MARVELD2: variants seen among roughly 807,000 people sequenced by gnomAD.
MARVELD2 encodes MARVEL domain containing 2, also known as MARVEL domain-containing protein 2.
MARVELD2 carries 49 observed loss-of-function variants against 57.6 expected under a neutral mutation model. The ratio of observed to expected loss-of-function variants is 0.85; its 90% confidence interval spans 0.68 to 1.08. The LOEUF (loss-of-function observed/expected upper bound fraction) is 1.08, where lower values mean the gene tolerates loss of function less well. Among genes scored for constraint, MARVELD2 ranks in the 50% least tolerant of loss-of-function variants. The pLI is 0.00. For missense variants in MARVELD2, 606 were observed against 701.1 expected, an observed-to-expected ratio of 0.86 and a Z score of 1.53; for synonymous variants, 238 against 258.8, an observed-to-expected ratio of 0.92 and a Z score of 0.77.
Position 69,426,320 on chromosome 5 carries a change from CATT to C in MARVELD2, c.1182+1712_1182+1714del, listed in dbSNP as rs61577972. Reference sequence around the variant, plus strand: ...TACCCTCATTTTTTGAGATACTGGACATTATTATTATTATTATTATTATTATTA... The same window carrying C: ...TACCCTCATTTTTTGAGATACTGGACATTATTATTATTATTATTATTATTA... On this transcript the variant is annotated intron_variant, in intron 3 of 6. Coordinates refer to ENST00000325631, the MANE Select transcript of MARVELD2 (RefSeq NM_001038603.3). Among the ~76,000 whole-genome samples, 1,372 of 140,108 alleles carry C rather than the reference CATT, an allele frequency of 9.8e-3. 20 individuals carry two copies. Among genetic ancestry groups the C allele is most frequent in the African/African-American group, 0.034 (1,296 of 38,536 alleles). The allele number at this position is 140,108 out of a possible 152,430, so 91.9% of individuals were successfully genotyped here.
chr5:69,420,252 G>A lies in MARVELD2; in HGVS notation c.867G>A (p.Trp289Ter). ...CCATTCTTCTGGACTCTAATTGGTGGCCCCTAACTGAATTTGGAATTAACG... is the reference window on the plus strand; with the variant it reads ...CCATTCTTCTGGACTCTAATTGGTGACCCCTAACTGAATTTGGAATTAACG... ...YRTILLDSNW[W>*]PLTEFGINVA... The change falls in exon 2 of 7, where the codon TGG becomes TGA. Residue 289 changes from tryptophan (W) to a stop codon, truncating the protein, a stop_gained. Transcript: ENST00000325631. LOFTEE classifies it high-confidence loss of function. 2 of 1,614,082 alleles carry A rather than the reference G, an allele frequency of 1.2e-6. No homozygotes were observed. Among genetic ancestry groups the A allele is most frequent in the East Asian group, 2.2e-5 (1 of 44,874 alleles).
intron 5 of MARVELD2, 59 bp downstream of exon 5, chr5:69,433,152 G>GGT: frequency 1.0e-6 from 1 of 963,536 alleles, no homozygotes; most frequent in Non-Finnish European, 1.5e-6. Flanking sequence ...ATAAAATCTG[G>GGT]CTTTTTTTTT....
intron 2 of MARVELD2, among the ~76,000 whole-genome samples, chr5:69,422,806 C>T (rs921456558): frequency 1.3e-5 from 2 of 152,138 alleles, no homozygotes; most frequent in Non-Finnish European, 2.9e-5. Flanking sequence ...GTGATGTCTC[C>T]CCTGCACACC....
In MARVELD2 at chr5:69,440,487, A is replaced by C. The variant is rs1454267022; in HGVS notation, c.1541A>C (p.Lys514Thr). 2.1e-6 allele frequency: 3 copies of C among 1,431,834 alleles called. No individual in the cohort carries two copies. Among genetic ancestry groups the C allele is most frequent in the Non-Finnish European group, 2.9e-6 (3 of 1,018,260 alleles). 88.7% of individuals were successfully genotyped at this position (1,431,834 alleles called of 1,614,324 possible). Residue 514 changes from lysine (K) to threonine (T), a missense_variant, in exon 6 of 7, where the codon AAG becomes ACG. Lys to Thr is a moderately conservative substitution (Grantham distance 78). Transcript: ENST00000325631. ...ATTTCAAGAATCCATGAAGAGTTTA[A>C]GAAAAAAAAGAATGTGAGTAAAACA... ...ERISRIHEEF[K>T]KKKNDPTFLE...
intron 2 of MARVELD2, among the ~76,000 whole-genome samples, chr5:69,421,158 A>G (rs1413864342): frequency 6.6e-6 from 1 of 152,162 alleles, no homozygotes; most frequent in African/African-American, 2.4e-5. Flanking sequence ...ATATTTCTAG[A>G]ACTTAATAGG....
intron 3 of MARVELD2, among the ~76,000 whole-genome samples, chr5:69,425,022 A>G (rs1214099912): frequency 2.6e-5 from 1 of 38,596 alleles, no homozygotes; most frequent in Non-Finnish European, 5.6e-5. Context: ...GAGACTGTTT[A>G]AAAAAAGAAA....
chr5:69,435,122 C>T (rs970308096), intron 5 of MARVELD2, among the ~76,000 whole-genome samples: 7 of 150,114 alleles, frequency 4.7e-5, no homozygotes, highest in African/African-American at 1.2e-4. Flanking sequence ...TCCCAGGTTA[C>T]GCGATTCTCC....
At chr5:69,421,622 T>A (rs1408237962) in intron 2 of MARVELD2, among the ~76,000 whole-genome samples, 1 of 152,064 alleles carries the variant, frequency 6.6e-6, no homozygotes, top group Non-Finnish European at 1.5e-5. Context: ...GGTTTTAAAA[T>A]TTTTTTAATT....
At chr5:69,418,385 A>G (rs1021284833) in intron 1 of MARVELD2, among the ~76,000 whole-genome samples, 1 of 152,248 alleles carries the variant, frequency 6.6e-6, no homozygotes, top group African/African-American at 2.4e-5. Flanking sequence ...TCATGAATCA[A>G]CAGGCTTAGT....
chr5:69,423,403 A>G (rs1766688914), intron 2 of MARVELD2, among the ~76,000 whole-genome samples: 1 of 151,984 alleles, frequency 6.6e-6, no homozygotes, highest in Non-Finnish European at 1.5e-5. Flanking sequence ...GACTGCAGGC[A>G]TACACCACCA....
chr5:69,439,128 A>C (rs1767250988), intron 5 of MARVELD2, among the ~76,000 whole-genome samples: 1 of 151,184 alleles, frequency 6.6e-6, no homozygotes, highest in Non-Finnish European at 1.5e-5. Flanking sequence ...GTGATAGAAA[A>C]AGTTCTCAGG....
Position 69,432,624 on chromosome 5 carries a change from A to G in MARVELD2, c.1280A>G (p.His427Arg), listed in dbSNP as rs1263535888. The change falls in exon 4 of 7, where the codon CAC becomes CGC. Residue 427 changes from histidine (H) to arginine (R), a missense_variant. Transcript: ENST00000325631. ...AKMKPELLSG[H>R]IPPGHIPKPI... is the part of the protein sequence containing the mutation. ...ATGAAACCTGAACTACTGAGTGGAC[A>G]CATCCCCCCAGGCCACATTCCTAAA... 1.2e-6 allele frequency: 2 copies of G among 1,614,184 alleles called. No homozygotes were observed. Among genetic ancestry groups the G allele is most frequent in the Non-Finnish European group, 1.7e-6 (2 of 1,180,020 alleles).
chr5:69,430,680 C>T lies in MARVELD2; in HGVS notation c.1183-1847C>T, dbSNP rs1766933830. On this transcript the variant is annotated intron_variant, in intron 3 of 6. Transcript: ENST00000325631. Reference sequence around the variant, plus strand: ...TCCTGAGTAGCTGGGATTACAGGCGCACACCACCACATCCGGCTAATTTTT... The same window carrying T: ...TCCTGAGTAGCTGGGATTACAGGCGTACACCACCACATCCGGCTAATTTTT... 2.0e-5 allele frequency among the ~76,000 whole-genome samples: 3 copies of T among 151,782 alleles called. No homozygotes were observed. In the South Asian group the frequency reaches 6.3e-4, roughly 32 times the overall value.
intron 2 of MARVELD2, among the ~76,000 whole-genome samples, chr5:69,423,175 C>T (rs930489264): frequency 1.3e-5 from 2 of 152,136 alleles, no homozygotes; most frequent in African/African-American, 2.4e-5. Flanking sequence ...GGATTACAGG[C>T]GTGAGCCACC....
At position 69,428,667 on chromosome 5, in the gene MARVELD2, T is replaced by A. The variant is rs4976164; in HGVS notation, c.1183-3860T>A. Reference sequence around the variant, plus strand: ...AATGATTAGTTCTTCCTTAAAAAAATTTTATGTAGAAAACAAATTAATGAT... The same window carrying A: ...AATGATTAGTTCTTCCTTAAAAAAAATTTATGTAGAAAACAAATTAATGAT... On this transcript the variant is annotated intron_variant, in intron 3 of 6. Transcript: ENST00000325631. 1.6e-3 allele frequency among the ~76,000 whole-genome samples: 132 copies of A among 83,866 alleles called. 19 individuals are homozygous for A. Among genetic ancestry groups the A allele is most frequent in the African/African-American group, 3.7e-3 (86 of 23,292 alleles). The allele number at this position is 83,866 out of a possible 152,430, so 55.0% of individuals were successfully genotyped here. A position where few individuals can be genotyped will look rare whatever the true frequency, so the allele number is the denominator to read the frequency against.
Position 69,441,558 on chromosome 5 carries a change from A to T in MARVELD2, c.1581A>T (p.Glu527Asp). The change falls in exon 7 of 7, where the codon GAA becomes GAT. Residue 527 changes from glutamate (E) to aspartate (D), a missense_variant. By Grantham distance (45) the Glu-to-Asp change is conservative (BLOSUM62 2). Coordinates refer to ENST00000325631, the MANE Select transcript of MARVELD2 (RefSeq NM_001038603.3). ...KNDPTFLEKK[E>D]RCDYLKNKLS... is the part of the protein sequence containing the mutation. ...ATCCTACATTTCTGGAAAAAAAAGA[A>T]CGCTGTGATTACCTAAAGAATAAAC... The T allele has an allele frequency of 6.2e-7, 1 of 1,609,132 alleles. No individual in the cohort carries two copies. Among genetic ancestry groups the T allele is most frequent in the Non-Finnish European group, 8.5e-7 (1 of 1,175,950 alleles).
chr5:69,422,618 C>T (rs1380600422), intron 2 of MARVELD2, among the ~76,000 whole-genome samples: 1 of 152,098 alleles, frequency 6.6e-6, no homozygotes, highest in Non-Finnish European at 1.5e-5. Flanking sequence ...TAATTTTGCC[C>T]CGTCCTGTGG....
chr5:69,430,638 A>G (rs532350386), intron 3 of MARVELD2, among the ~76,000 whole-genome samples: 5 of 151,990 alleles, frequency 3.3e-5, no homozygotes, highest in African/African-American at 9.6e-5. Context: ...GGCTCAAGCC[A>G]TTCTCCTGCC....
chr5:69,436,460 T>A (rs1046929821), intron 5 of MARVELD2, among the ~76,000 whole-genome samples: 1 of 141,726 alleles, frequency 7.1e-6, no homozygotes, highest in African/African-American at 2.6e-5. Flanking sequence ...CACATATATA[T>A]AAATTTTTTA....
Sources: allele counts gnomAD v4.1 joint callset (sites outside exome capture counted in the v4.1 genomes callset), GRCh38; gene constraint gnomAD v4.1.1; transcripts MANE v1.5; gene names NCBI Gene and HGNC (gene_info 2026-07-23, HGNC 2026-07-21).